TGFB1I1: variants seen among roughly 807,000 people sequenced by gnomAD.
TGFB1I1 encodes transforming growth factor beta-1-induced transcript 1 protein.
TGFB1I1 carries 33 observed loss-of-function variants against 52.0 expected under a neutral mutation model. That is an observed-to-expected ratio of 0.63 (90% CI 0.48 to 0.85). The LOEUF (loss-of-function observed/expected upper bound fraction) is 0.85. Ranked by LOEUF, TGFB1I1 falls within the 40% of genes least tolerant of loss-of-function variation. The pLI is 0.00. For missense variants in TGFB1I1, 577 were observed against 614.9 expected (o/e 0.94, Z 0.65); for synonymous variants, 236 against 253.3 (o/e 0.93, Z 0.65).
Position 31,472,213 on chromosome 16 carries a change from C to A in TGFB1I1, c.13+12C>A. The A allele has an allele frequency of 7.4e-7, 1 of 1,358,404 alleles. No individual in the cohort carries two copies. Among genetic ancestry groups the A allele is most frequent in the Non-Finnish European group, 9.6e-7 (1 of 1,037,122 alleles). The allele number at this position is 1,358,404 out of a possible 1,614,324, so 84.1% of individuals were successfully genotyped here. ...CATGGAGGACCTGGGTGAGTGGGGC[C>A]GGATCCCCGGGTCCGTGGCCCCTCA... On this transcript the variant is annotated intron_variant, in intron 1 of 10. Transcript: ENST00000394863.
chr16:31,475,065 AG>A (rs1183561997), intron 7 of TGFB1I1: 3 of 366,576 alleles, frequency 8.2e-6, no homozygotes, highest in Non-Finnish European at 1.5e-5. Context: ...AATATCTCTC[AG>A]GCATCTACAA....
rs2082436259 is a variant in TGFB1I1 at position 31,477,699 on chromosome 16, A to G, written c.*123A>G. The G allele has an allele frequency of 7.7e-7, 1 of 1,292,102 alleles. No individual in the cohort carries two copies. The highest frequency in any genetic ancestry group is 1.5e-5 in the African/African-American group (1 of 66,990). 80.0% of individuals were successfully genotyped at this position (1,292,102 alleles called of 1,614,324 possible). On this transcript the variant is annotated 3_prime_UTR_variant, in exon 11 of 11. Coordinates refer to ENST00000394863, the MANE Select transcript of TGFB1I1 (RefSeq NM_001042454.3). This position sits in a 1 kb window ranked among gnomAD's most constrained non-coding sequence, Gnocchi z 4.7. ...CACCCACTGGAGAGCCCCGCCCCTA[A>G]GGTACTATGAGTCCTCAGGGGTCAA...
chr16:31,476,525 C>T lies in TGFB1I1; in HGVS notation c.933C>T (p.Phe311=). The T allele has an allele frequency of 6.2e-7, 1 of 1,613,632 alleles. No homozygotes were observed. The change falls in exon 9 of 11, where the codon TTC becomes TTT. Residue 311 remains phenylalanine (F), a synonymous_variant. Coordinates refer to ENST00000394863, the MANE Select transcript of TGFB1I1 (RefSeq NM_001042454.3). This position sits in a 1 kb window ranked among gnomAD's most constrained non-coding sequence, Gnocchi z 7.6. ...GCACTCACTGGCACCCAGAGCATTT[C>T]TGCTGCGTCAGTTGCGGGGAGCCCT... ...ALGTHWHPEH[F]CCVSCGEPFG...
At position 31,477,438 on chromosome 16, in the gene TGFB1I1, CG is replaced by C. The variant is rs772408420; in HGVS notation, c.1249del (p.Val417CysfsTer41). ...GTGGCCTCCCTGTGACCGGCCGCTG[CG>C]TGTCGGCCCTGGGTCGCCGCTTCCA... Reference protein sequence around the residue: ...TCGLPVTGRCVSALGRRFHPD... With the variant: ...TCGLPVTGRCXSALGRRFHPD... On this transcript the variant is annotated frameshift_variant, in exon 11 of 11. Coordinates refer to ENST00000394863, the MANE Select transcript of TGFB1I1 (RefSeq NM_001042454.3). LOFTEE classifies it high-confidence loss of function. The surrounding 1 kb of genome is among the most constrained non-coding windows in gnomAD (Gnocchi z 4.7). The C allele has an allele frequency of 2.5e-6, 4 of 1,600,986 alleles. No homozygotes were observed. Among genetic ancestry groups the C allele is most frequent in the Non-Finnish European group, 3.4e-6 (4 of 1,174,470 alleles).
At chr16:31,473,338 C>A in intron 1 of TGFB1I1, 103 bp from the exon 2 acceptor site, 1 of 1,477,446 alleles carries the variant, frequency 6.8e-7, no homozygotes, top group Admixed American at 2.2e-5. Context: ...GACCTCTTCT[C>A]TTAATACTGG....
In TGFB1I1 at chr16:31,477,558, C is replaced by G; in HGVS notation, c.1368C>G (p.Phe456Leu). Residue 456 changes from phenylalanine to leucine, a missense_variant, in exon 11 of 11, where the codon TTC becomes TTG. Transcript: ENST00000394863. The surrounding 1 kb of genome is among the most constrained non-coding windows in gnomAD (Gnocchi z 4.7). ...RAGKPYCQPC[F>L]LKLFG ...GCAAGCCCTACTGCCAGCCCTGCTT[C>G]CTGAAGCTCTTCGGCTGACAGCCCG... is the stretch of plus-strand genomic sequence containing the variant. The G allele has an allele frequency of 6.2e-7, 1 of 1,607,398 alleles. No individual in the cohort carries two copies. Among genetic ancestry groups the G allele is most frequent in the African/African-American group, 1.3e-5 (1 of 74,992 alleles).
In TGFB1I1 at chr16:31,477,051, G is replaced by C. The variant is rs751674682; in HGVS notation, c.1119+41G>C. 6 of 1,528,592 alleles carry C rather than the reference G, an allele frequency of 3.9e-6. No individual in the cohort carries two copies. The African/African-American group carries it at 5.7e-5, about 15-fold the overall frequency. 94.7% of individuals were successfully genotyped at this position (1,528,592 alleles called of 1,614,324 possible). A position where few individuals can be genotyped will look rare whatever the true frequency, so the allele number is the denominator to read the frequency against. The stretch of plus-strand genomic sequence containing the variant: ...CGGGGCGTTGGAGGGGCGGGTCAAG[G>C]GTACAGGGCTGTGGGGCGGGGCCTT... On this transcript the variant is annotated intron_variant, in intron 10 of 10. Transcript: ENST00000394863. This position sits in a 1 kb window ranked among gnomAD's most constrained non-coding sequence, Gnocchi z 4.7.
At chr16:31,472,690 C>G (rs965645197) in intron 1 of TGFB1I1, 1 of 153,528 alleles carries the variant, frequency 6.5e-6, no homozygotes, top group Non-Finnish European at 1.5e-5. Flanking sequence ...CCTAGGCGCC[C>G]GCGAAGGCTT....
In TGFB1I1 at chr16:31,474,838, C is replaced by T. The variant is rs2082414695; in HGVS notation, c.714+81C>T. Reference sequence around the variant, plus strand: ...TGAGAGCTGGGCTTTATGCTGTTCCCTTTTAGTAAGTTAATCTGGGAAGTG... The same window carrying T: ...TGAGAGCTGGGCTTTATGCTGTTCCTTTTTAGTAAGTTAATCTGGGAAGTG... On this transcript the variant is annotated intron_variant, in intron 7 of 10. Transcript: ENST00000394863. The surrounding 1 kb of genome is among the most constrained non-coding windows in gnomAD (Gnocchi z 4.2). The T allele has an allele frequency of 7.4e-7, 1 of 1,345,742 alleles. No homozygotes were observed. The highest frequency in any genetic ancestry group is 2.5e-5 in the East Asian group (1 of 40,248). 83.4% of individuals were successfully genotyped at this position (1,345,742 alleles called of 1,614,324 possible).
Position 31,476,291 on chromosome 16 carries a change from C to G in TGFB1I1, c.888+106C>G. 1 of 1,465,548 alleles carries G rather than the reference C, an allele frequency of 6.8e-7. No homozygotes were observed. Among genetic ancestry groups the G allele is most frequent in the Non-Finnish European group, 9.2e-7 (1 of 1,085,914 alleles). 90.8% of individuals were successfully genotyped at this position (1,465,548 alleles called of 1,614,324 possible). ...CCCCACCCGCGATACCCCACTCCAC[C>G]CCTACCCCTTCCCCTTGGCAATGTC... is the stretch of plus-strand genomic sequence containing the variant. On this transcript the variant is annotated intron_variant, in intron 8 of 10. Coordinates refer to ENST00000394863, the MANE Select transcript of TGFB1I1 (RefSeq NM_001042454.3). This position sits in a 1 kb window ranked among gnomAD's most constrained non-coding sequence, Gnocchi z 7.6.
At position 31,473,674 on chromosome 16, in the gene TGFB1I1, C is replaced by A. The variant is rs777101831; in HGVS notation, c.130-8C>A. On this transcript the variant is annotated splice_polypyrimidine_tract_variant and splice_region_variant and intron_variant, in intron 2 of 10. Coordinates refer to ENST00000394863, the MANE Select transcript of TGFB1I1 (RefSeq NM_001042454.3). ...CTGTCATCCCACCTGTGCGTCTCCG[C>A]TCTGTAGACAGGGTCTGGGGAGTCT... 1 of 1,567,062 alleles carries A rather than the reference C, an allele frequency of 6.4e-7. No homozygotes were observed. The highest frequency in any genetic ancestry group is 1.4e-5 in the African/African-American group (1 of 73,646).
At chr16:31,473,758 A>G in intron 3 of TGFB1I1, 24 bp downstream of exon 3, 1 of 1,581,226 alleles carries the variant, frequency 6.3e-7, no homozygotes, top group Non-Finnish European at 8.6e-7. Flanking sequence ...AAACCAGGGC[A>G]TGGGGGCCAA....
intron 7 of TGFB1I1, 28 bp from the exon 8 acceptor site, chr16:31,475,984 T>A (rs1289839882): frequency 6.2e-7 from 1 of 1,602,784 alleles, no homozygotes; most frequent in Admixed American, 1.7e-5. Flanking sequence ...TCAGAGCCGC[T>A]CTGACCCGCC....
At position 31,477,206 on chromosome 16, in the gene TGFB1I1, C is replaced by A; in HGVS notation, c.1120-104C>A. On this transcript the variant is annotated intron_variant, in intron 10 of 10. Coordinates refer to ENST00000394863, the MANE Select transcript of TGFB1I1 (RefSeq NM_001042454.3). This position sits in a 1 kb window ranked among gnomAD's most constrained non-coding sequence, Gnocchi z 4.7. ...TCCCACCGGACGGGATTCTTCGCGT[C>A]TAGGGCGGGCTGCGGGGTCCCAGGG... 6.7e-7 allele frequency: 1 copy of A among 1,487,056 alleles called. No homozygotes were observed. Among genetic ancestry groups the A allele is most frequent in the East Asian group, 2.4e-5 (1 of 41,700 alleles). The allele number at this position is 1,487,056 out of a possible 1,614,324, so 92.1% of individuals were successfully genotyped here. A position where few individuals can be genotyped will look rare whatever the true frequency, so the allele number is the denominator to read the frequency against.
rs1285456360 is a variant in TGFB1I1, at chr16:31,474,542, C to G, written c.520-21C>G. 6.2e-7 allele frequency: 1 copy of G among 1,610,424 alleles called. No homozygotes were observed. Among genetic ancestry groups the G allele is most frequent in the Non-Finnish European group, 8.5e-7 (1 of 1,177,464 alleles). On this transcript the variant is annotated intron_variant, in intron 6 of 10. Coordinates refer to ENST00000394863, the MANE Select transcript of TGFB1I1 (RefSeq NM_001042454.3). This position sits in a 1 kb window ranked among gnomAD's most constrained non-coding sequence, Gnocchi z 4.2. Reference sequence around the variant, plus strand: ...CATCTGCTGCTTTGCTGACTCAATTCTCATGTCCTCCCCGCTGCAGCTTCC... The same window carrying G: ...CATCTGCTGCTTTGCTGACTCAATTGTCATGTCCTCCCCGCTGCAGCTTCC...
At position 31,476,403 on chromosome 16, in the gene TGFB1I1, C is replaced by A; in HGVS notation, c.889-78C>A. 2 of 1,443,412 alleles carry A rather than the reference C, an allele frequency of 1.4e-6. No homozygotes were observed. Among genetic ancestry groups the A allele is most frequent in the South Asian group, 1.2e-5 (1 of 81,476 alleles). 89.4% of individuals were successfully genotyped at this position (1,443,412 alleles called of 1,614,324 possible). On this transcript the variant is annotated intron_variant, in intron 8 of 10. Transcript: ENST00000394863. This position sits in a 1 kb window ranked among gnomAD's most constrained non-coding sequence, Gnocchi z 7.6. ...CCCTCCCCCCACGCATGCCTTAGTC[C>A]AGTCACCCGGGTTCCGCGCGGGAGA...
Position 31,477,142 on chromosome 16 carries a change from T to C in TGFB1I1, c.1119+132T>C, listed in dbSNP as rs1412970219. 2 of 1,406,668 alleles carry C rather than the reference T, an allele frequency of 1.4e-6. No homozygotes were observed. The highest frequency in any genetic ancestry group is 5.0e-5 in the East Asian group (2 of 39,862). 87.1% of individuals were successfully genotyped at this position (1,406,668 alleles called of 1,614,324 possible). A position where few individuals can be genotyped will look rare whatever the true frequency, so the allele number is the denominator to read the frequency against. On this transcript the variant is annotated intron_variant, in intron 10 of 10. Coordinates refer to ENST00000394863, the MANE Select transcript of TGFB1I1 (RefSeq NM_001042454.3). This position sits in a 1 kb window ranked among gnomAD's most constrained non-coding sequence, Gnocchi z 4.7. ...CGGGGGGGCGGGTCACGGGAGGTGC[T>C]GCTAGGAACCTCGGGTGGGGCGAGT...
At position 31,477,140 on chromosome 16, in the gene TGFB1I1, G is replaced by A; in HGVS notation, c.1119+130G>A. ...CTCGGGGGGGCGGGTCACGGGAGGT[G>A]CTGCTAGGAACCTCGGGTGGGGCGA... is the stretch of plus-strand genomic sequence containing the variant. On this transcript the variant is annotated intron_variant, in intron 10 of 10. Coordinates refer to ENST00000394863, the MANE Select transcript of TGFB1I1 (RefSeq NM_001042454.3). The surrounding 1 kb of genome is among the most constrained non-coding windows in gnomAD (Gnocchi z 4.7). 1 of 1,405,726 alleles carries A rather than the reference G, an allele frequency of 7.1e-7. No homozygotes were observed. Among genetic ancestry groups the A allele is most frequent in the Non-Finnish European group, 9.5e-7 (1 of 1,057,370 alleles). The allele number at this position is 1,405,726 out of a possible 1,614,324, so 87.1% of individuals were successfully genotyped here.
chr16:31,474,120 C>G lies in TGFB1I1; in HGVS notation c.326-32C>G. The G allele has an allele frequency of 6.2e-7, 1 of 1,612,624 alleles. No individual in the cohort carries two copies. The highest frequency in any genetic ancestry group is 1.3e-5 in the African/African-American group (1 of 75,000). On this transcript the variant is annotated intron_variant, in intron 4 of 10. Transcript: ENST00000394863. This position sits in a 1 kb window ranked among gnomAD's most constrained non-coding sequence, Gnocchi z 4.2. Reference sequence around the variant, plus strand: ...GTGTGAGGGTGCGTTGAGCATGGCCCTATATGTAGCGTCCTCCTCTCCTCT... The same window carrying G: ...GTGTGAGGGTGCGTTGAGCATGGCCGTATATGTAGCGTCCTCCTCTCCTCT...
Sources: gnomAD v4.1 joint callset for allele counts on GRCh38, gnomAD v4.1.1 for gene constraint, Gnocchi (gnomAD v3.1) non-coding constraint, MANE v1.5 for transcripts, NCBI Gene and HGNC (gene_info 2026-07-23, HGNC 2026-07-21) for gene names.